Variants in ARHGAP25 observed in about 807,000 individuals in gnomAD.
The protein encoded by ARHGAP25 is Rho GTPase activating protein 25.
Under a neutral mutation model 71.0 loss-of-function variants are expected in ARHGAP25, and 34 were observed. The ratio of observed to expected loss-of-function variants is 0.48; its 90% CI spans 0.36 to 0.64. The LOEUF (loss-of-function observed/expected upper bound fraction) is 0.64. ARHGAP25 is among the 30% of genes least tolerant of loss of function. ARHGAP25 has a pLI of 0.00. For missense variants in ARHGAP25, 706 were observed against 805.1 expected, an observed-to-expected ratio of 0.88 and a Z score of 1.49; for synonymous variants, 282 against 296.5, an observed-to-expected ratio of 0.95 and a Z score of 0.50.
chr2:68,820,608 T>C (rs1681573630), intron 9 of ARHGAP25, among the ~76,000 whole-genome samples: 1 of 152,158 alleles, frequency 6.6e-6, no homozygotes, highest in African/African-American at 2.4e-5. Context: ...TGTGTTTAGG[T>C]CTCATATTCT....
intron 1 of ARHGAP25, among the ~76,000 whole-genome samples, chr2:68,764,873 C>G (rs1677032344): frequency 6.6e-6 from 1 of 152,154 alleles, no homozygotes; most frequent in Admixed American, 6.5e-5. Context: ...AATCCGTCTT[C>G]CCCCCAAATG....
intron 1 of ARHGAP25, among the ~76,000 whole-genome samples, chr2:68,739,337 C>G (rs1284463559): frequency 6.6e-6 from 1 of 152,184 alleles, no homozygotes; most frequent in Non-Finnish European, 1.5e-5. Context: ...GTATACATCA[C>G]TATAAGTCAC....
Position 68,819,202 on chromosome 2 carries a change from CCT to C in ARHGAP25, c.1084_1085del (p.Leu362ValfsTer8), listed in dbSNP as rs1329001469. On this transcript the variant is annotated frameshift_variant, in exon 9 of 11. Coordinates refer to ENST00000409202, the MANE Select transcript of ARHGAP25 (RefSeq NM_001007231.3). LOFTEE classifies it high-confidence loss of function. ...VLFPKSKDIP[L>X]SPPAQKNDPK... ...TCTTCCCCAAGTCCAAGGATATACC[CCT>C]GTCACCCCCTGCCCAGAAAAATGAC... 1 of 1,613,906 alleles carries C rather than the reference CCT, an allele frequency of 6.2e-7. No individual in the cohort carries two copies. The highest frequency in any genetic ancestry group is 1.3e-5 in the African/African-American group (1 of 74,898).
chr2:68,816,238 G>A (rs1322157315), intron 6 of ARHGAP25, 51 bp from the exon 7 acceptor site: 1 of 1,484,746 alleles, frequency 6.7e-7, no homozygotes, highest in Non-Finnish European at 9.4e-7. Context: ...GCTGGCACAT[G>A]GGCAGGCTCA....
chr2:68,822,374 A>G lies in ARHGAP25; in HGVS notation c.1235A>G (p.Gln412Arg), dbSNP rs1436639472. Residue 412 changes from glutamine to arginine, a missense_variant, in exon 10 of 11, where the codon CAG becomes CGG. Transcript: ENST00000409202. ...SDSDTTSPTG[Q>R]QPSDAFPEDS... is the part of the protein sequence containing the mutation. ...TCTGATACAACCAGCCCCACCGGACAGCAGCCGAGCGATGCGTTTCCGGAG... is the reference window on the plus strand; with the variant it reads ...TCTGATACAACCAGCCCCACCGGACGGCAGCCGAGCGATGCGTTTCCGGAG... The G allele has an allele frequency of 1.2e-6, 2 of 1,614,064 alleles. No individual in the cohort carries two copies. Among genetic ancestry groups the G allele is most frequent in the African/African-American group, 2.7e-5 (2 of 74,912 alleles).
chr2:68,718,530 AGTGTGT>A (rs34203928), intron 2 of ARHGAP25, among the ~76,000 whole-genome samples: 4 of 151,132 alleles, frequency 2.6e-5, no homozygotes, highest in Admixed American at 1.3e-4. Context: ...GAAATATATA[AGTGTGT>A]GTGTGTGTGT....
chr2:68,772,737 G>A (rs1677568721), intron 1 of ARHGAP25, among the ~76,000 whole-genome samples: 1 of 152,150 alleles, frequency 6.6e-6, no homozygotes, highest in Non-Finnish European at 1.5e-5. Context: ...CATTTCCACA[G>A]CCTTAGAGCA....
At chr2:68,786,370 A>T (rs1362400616) in intron 3 of ARHGAP25, among the ~76,000 whole-genome samples, 2 of 152,198 alleles carry the variant, frequency 1.3e-5, no homozygotes, top group Non-Finnish European at 2.9e-5. Flanking sequence ...GGAATCTTTC[A>T]TGGGAGGAAG....
chr2:68,824,177 T>A (rs1035520978), intron 10 of ARHGAP25, among the ~76,000 whole-genome samples: 11 of 152,310 alleles, frequency 7.2e-5, no homozygotes, highest in Non-Finnish European at 1.5e-4. Flanking sequence ...ATCTTGGCAG[T>A]GATCAAAGCA....
chr2:68,780,789 G>T (rs1442998824), intron 2 of ARHGAP25, among the ~76,000 whole-genome samples: 2 of 151,998 alleles, frequency 1.3e-5, no homozygotes, highest in Non-Finnish European at 2.9e-5. Flanking sequence ...AGGCTCCTGA[G>T]TGGATCTTAC....
intron 1 of ARHGAP25, among the ~76,000 whole-genome samples, chr2:68,764,086 T>C (rs975287955): frequency 5.3e-5 from 8 of 152,334 alleles, no homozygotes; most frequent in Non-Finnish European, 8.8e-5. Context: ...CAGAATTGCC[T>C]TTTCTGGATA....
At chr2:68,821,092 CTTTT>C (rs34119311) in intron 9 of ARHGAP25, among the ~76,000 whole-genome samples, 15 of 99,436 alleles carry the variant, frequency 1.5e-4, no homozygotes, top group Admixed American at 3.8e-4. Flanking sequence ...CTTTTTCTTT[CTTTT>C]TTTTTTTTTT....
At chr2:68,760,306 C>T (rs372006926) in intron 1 of ARHGAP25, among the ~76,000 whole-genome samples, 3 of 151,928 alleles carry the variant, frequency 2.0e-5, no homozygotes, top group East Asian at 1.9e-4. Flanking sequence ...TTTGCAACTT[C>T]GATGCAATGT....
Position 68,753,648 on chromosome 2 carries a change from G to T in ARHGAP25, c.61+18388G>T, listed in dbSNP as rs898119003. On this transcript the variant is annotated intron_variant, in intron 1 of 10. Transcript: ENST00000409202. ...GAAATGTTACTCCCGGATCACTGGG[G>T]TAGATTTAGCTTGATGTTGCTCTTG... is the stretch of plus-strand genomic sequence containing the variant. Among the ~76,000 whole-genome samples the T allele has an allele frequency of 3.3e-5, 5 of 152,154 alleles. No homozygotes were observed. The South Asian group carries it at 6.2e-4, about 19-fold the overall frequency.
intron 2 of ARHGAP25, among the ~76,000 whole-genome samples, chr2:68,719,223 A>AATTTG (rs1357727118): frequency 6.6e-6 from 1 of 152,094 alleles, no homozygotes; most frequent in Non-Finnish European, 1.5e-5. Context: ...CCCCAAGGAG[A>AATTTG]GGGTCATGGG....
intron 2 of ARHGAP25, among the ~76,000 whole-genome samples, chr2:68,714,577 G>A (rs1192353168): frequency 6.6e-6 from 1 of 152,096 alleles, no homozygotes; most frequent in African/African-American, 2.4e-5. Context: ...GTGATGTTTA[G>A]GGTGCCAATT....
At chr2:68,801,431 C>A (rs1250359570) in intron 4 of ARHGAP25, among the ~76,000 whole-genome samples, 8 of 152,180 alleles carry the variant, frequency 5.3e-5, no homozygotes, top group Admixed American at 5.2e-4. Flanking sequence ...CCAAAAGCCA[C>A]ATGAGAAAGT....
At chr2:68,810,741 T>C (rs1262066323) in intron 5 of ARHGAP25, among the ~76,000 whole-genome samples, 25 of 148,714 alleles carry the variant, frequency 1.7e-4, no homozygotes, top group South Asian at 6.4e-4. Context: ...CTTTTTTTTT[T>C]TTTTTTTTTT....
intron 10 of ARHGAP25, among the ~76,000 whole-genome samples, chr2:68,823,332 A>G (rs776373708): frequency 6.6e-6 from 1 of 152,232 alleles, no homozygotes. Context: ...ATACAAATAT[A>G]TAATAAAATA....
Sources: allele counts gnomAD v4.1 joint callset (sites outside exome capture counted in the v4.1 genomes callset), GRCh38; gene constraint gnomAD v4.1.1; transcripts MANE v1.5; gene names NCBI Gene and HGNC (gene_info 2026-07-23, HGNC 2026-07-21).